The following CPEB2 variants were observed in gnomAD, a reference collection of about 807,000 sequenced individuals.
CPEB2 encodes the protein cytoplasmic polyadenylation element binding protein 2.
In CPEB2, 56 loss-of-function variants were observed where a neutral mutation model predicts 93.6. The observed-to-expected ratio is 0.60, with a 90% confidence interval of 0.48 to 0.75. The LOEUF is 0.75. Ranked by LOEUF, CPEB2 falls within the 30% of genes least tolerant of loss-of-function variation. CPEB2 has a pLI of 0.00. For synonymous variants in CPEB2, 764 were observed against 586.3 expected (o/e 1.30, Z -4.38); for missense variants, 1,579 against 1,395.1 (o/e 1.13, Z -2.10).
chr4:15,031,493 A>G (rs1235856897), intron 4 of CPEB2, among the ~76,000 whole-genome samples: 1 of 152,118 alleles, frequency 6.6e-6, no homozygotes, highest in Non-Finnish European at 1.5e-5. Flanking sequence ...GTATGCTTCT[A>G]TTTCTCACTC....
chr4:15,003,552 C>T lies in CPEB2; in HGVS notation c.879C>T (p.Ala293=). The T allele has an allele frequency of 6.9e-7, 1 of 1,457,062 alleles. No individual in the cohort carries two copies. The highest frequency in any genetic ancestry group is 9.0e-7 in the Non-Finnish European group (1 of 1,107,232). The allele number at this position is 1,457,062 out of a possible 1,614,324, so 90.3% of individuals were successfully genotyped here. A position where few individuals can be genotyped will look rare whatever the true frequency, so the allele number is the denominator to read the frequency against. Reference sequence around the variant, plus strand: ...CCCCAGCCGCGGGCGAGGGCAGCGCCGCCGAGTCCCCCAATGCGGGCTTGG... The same window carrying T: ...CCCCAGCCGCGGGCGAGGGCAGCGCTGCCGAGTCCCCCAATGCGGGCTTGG... The part of the protein sequence containing the change: ...RKTPAAGEGS[A]AESPNAGLAS... Residue 293 remains alanine, a synonymous_variant, in exon 1 of 12, where the codon GCC becomes GCT. Coordinates refer to ENST00000538197, the MANE Select transcript of CPEB2 (RefSeq NM_001177382.2).
intron 6 of CPEB2, among the ~76,000 whole-genome samples, chr4:15,047,541 T>C (rs1727826463): frequency 6.6e-6 from 1 of 152,088 alleles, no homozygotes; most frequent in South Asian, 2.1e-4. Flanking sequence ...TATTTAAAAT[T>C]TTTCCCAGTT....
At chr4:15,065,624 C>T (rs1384745767) in intron 11 of CPEB2, among the ~76,000 whole-genome samples, 1 of 152,038 alleles carries the variant, frequency 6.6e-6, no homozygotes, top group African/African-American at 2.4e-5. Context: ...CAAGTCAGAC[C>T]TTCACAACGG....
chr4:15,012,928 T>C (rs1480506116), intron 3 of CPEB2, among the ~76,000 whole-genome samples: 1 of 152,050 alleles, frequency 6.6e-6, no homozygotes, highest in Admixed American at 6.6e-5. Flanking sequence ...GGGTTTTTAA[T>C]GTATCCCAGC....
At chr4:15,017,526 A>C (rs1478792762) in intron 4 of CPEB2, 1 of 287,938 alleles carries the variant, frequency 3.5e-6, no homozygotes, top group African/African-American at 2.2e-5. Flanking sequence ...TCAGTTCACC[A>C]GAGAATGAAG....
rs1293628909 is a variant in CPEB2, at chr4:15,003,721, C to T, written c.1048C>T (p.Pro350Ser). The T allele has an allele frequency of 3.0e-6, 4 of 1,315,400 alleles. No homozygotes were observed. In the African/African-American group the frequency reaches 4.6e-5, roughly 15 times the overall value. 81.5% of individuals were successfully genotyped at this position (1,315,400 alleles called of 1,614,324 possible). The change falls in exon 1 of 12, where the codon CCG becomes TCG. Residue 350 changes from proline (P) to serine (S), a missense_variant. Around this residue, in one of 2 missense-constraint regions of CPEB2, gnomAD observed 1,411 missense variants for 1,056.0 expected, o/e 1.34. Coordinates refer to ENST00000538197, the MANE Select transcript of CPEB2 (RefSeq NM_001177382.2). ...SSLQSPDLPH[P>S]GGGGGGGGGG... ...CCTGCAGAGCCCGGACCTTCCACAC[C>T]CGGGCGGCGGCGGCGGCGGCGGGGG...
chr4:15,058,551 C>A lies in CPEB2; in HGVS notation c.2580+12C>A. On this transcript the variant is annotated intron_variant, in intron 9 of 11. Coordinates refer to ENST00000538197, the MANE Select transcript of CPEB2 (RefSeq NM_001177382.2). ...TCAAGGACAAACCAGTAAGTAAATA[C>A]CACATGAACTTCAGGCTACAAATGC... 7.1e-7 allele frequency: 1 copy of A among 1,409,694 alleles called. No homozygotes were observed. Among genetic ancestry groups the A allele is most frequent in the African/African-American group, 1.4e-5 (1 of 69,974 alleles). The allele number at this position is 1,409,694 out of a possible 1,614,324, so 87.3% of individuals were successfully genotyped here. A position where few individuals can be genotyped will look rare whatever the true frequency, so the allele number is the denominator to read the frequency against.
chr4:15,048,340 G>A (rs939488749), intron 6 of CPEB2, among the ~76,000 whole-genome samples: 1 of 151,862 alleles, frequency 6.6e-6, no homozygotes, highest in East Asian at 1.9e-4. Context: ...AGCCATCTAG[G>A]CCTGGATTTT....
Position 15,002,886 on chromosome 4 carries a change from C to A in CPEB2, c.213C>A (p.Gly71=). 6.6e-7 allele frequency: 1 copy of A among 1,515,136 alleles called. No individual in the cohort carries two copies. The highest frequency in any genetic ancestry group is 2.5e-5 in the East Asian group (1 of 40,536). The allele number at this position is 1,515,136 out of a possible 1,614,324, so 93.9% of individuals were successfully genotyped here. A position where few individuals can be genotyped will look rare whatever the true frequency, so the allele number is the denominator to read the frequency against. Reference sequence around the variant, plus strand: ...CCCCCTTCTCCGTCCCCCTCGGCGGCGGCGCGGGCAGCCCGGCCGCCGCCG... The same window carrying A: ...CCCCCTTCTCCGTCCCCCTCGGCGGAGGCGCGGGCAGCCCGGCCGCCGCCG... ...AASPFSVPLG[G]GAGSPAAAAS... is the part of the protein sequence containing the mutation. The change falls in exon 1 of 12, where the codon GGC becomes GGA. Residue 71 remains glycine, a synonymous_variant. Coordinates refer to ENST00000538197, the MANE Select transcript of CPEB2 (RefSeq NM_001177382.2).
chr4:15,062,510 A>C (rs1729288741), intron 11 of CPEB2, among the ~76,000 whole-genome samples: 1 of 152,084 alleles, frequency 6.6e-6, no homozygotes, highest in Non-Finnish European at 1.5e-5. Flanking sequence ...CAGTAAGGTC[A>C]AATATTCTAA....
chr4:15,057,568 G>A (rs1728831563), intron 8 of CPEB2, among the ~76,000 whole-genome samples: 1 of 152,184 alleles, frequency 6.6e-6, no homozygotes, highest in Non-Finnish European at 1.5e-5. Flanking sequence ...GCTATCACCT[G>A]CTGGGAATAA....
intron 6 of CPEB2, among the ~76,000 whole-genome samples, chr4:15,047,067 T>G (rs1020513832): frequency 9.9e-5 from 15 of 152,220 alleles, no homozygotes; most frequent in African/African-American, 3.6e-4. Flanking sequence ...TATTGGTACC[T>G]TTGAAAAACA....
chr4:15,035,831 A>G (rs1726549270), intron 5 of CPEB2, among the ~76,000 whole-genome samples: 1 of 152,224 alleles, frequency 6.6e-6, no homozygotes, highest in Non-Finnish European at 1.5e-5. Context: ...GATACACATT[A>G]AAATAAATGC....
chr4:15,058,365 T>G, intron 8 of CPEB2, 56 bp from the exon 9 acceptor site: 1 of 987,346 alleles, frequency 1.0e-6, no homozygotes, highest in Non-Finnish European at 1.6e-6. Context: ...AGTACTGAAA[T>G]TTGGAGTAAA....
In CPEB2 at chr4:15,003,902, A is replaced by C; in HGVS notation, c.1229A>C (p.Gln410Pro). The C allele has an allele frequency of 1.1e-6, 1 of 904,458 alleles. No individual in the cohort carries two copies. The highest frequency in any genetic ancestry group is 1.4e-6 in the Non-Finnish European group (1 of 693,588). The allele number at this position is 904,458 out of a possible 1,614,324, so 56.0% of individuals were successfully genotyped here. ...TQPQQQPPPP[Q>P]QPPQPQPQPP... ...CCGCAGCAGCAGCCGCCGCCACCCC[A>C]GCAGCCGCCCCAGCCGCAGCCGCAG... Residue 410 changes from glutamine (Q) to proline (P), a missense_variant, in exon 1 of 12, where the codon CAG (glutamine) becomes CCG (proline). Transcript: ENST00000538197.
intron 3 of CPEB2, among the ~76,000 whole-genome samples, chr4:15,012,653 A>G (rs984241192): frequency 1.1e-4 from 16 of 152,116 alleles, no homozygotes; most frequent in African/African-American, 3.4e-4. Context: ...ACAGGAAAGT[A>G]TGATCAATAT....
chr4:15,020,547 A>ACT (rs1218595740), intron 4 of CPEB2, among the ~76,000 whole-genome samples: 2 of 151,640 alleles, frequency 1.3e-5, no homozygotes, highest in Non-Finnish European at 1.5e-5. Flanking sequence ...GCCTTTTCCT[A>ACT]CTCCCCAGTG....
intron 3 of CPEB2, among the ~76,000 whole-genome samples, chr4:15,014,265 A>G (rs1723840973): frequency 6.6e-6 from 1 of 152,102 alleles, no homozygotes; most frequent in Non-Finnish European, 1.5e-5. Context: ...ACAACCTAAA[A>G]AGATAACCAT....
At chr4:15,017,889 T>C (rs1002663842) in intron 4 of CPEB2, 1 of 151,794 alleles carries the variant, frequency 6.6e-6, no homozygotes, top group Non-Finnish European at 1.5e-5. Context: ...ATTCTGTGTA[T>C]AAAATGAAAA....
Sources: allele counts gnomAD v4.1 joint callset (sites outside exome capture counted in the v4.1 genomes callset), GRCh38; gene constraint gnomAD v4.1.1; regional missense constraint gnomAD v4.1.1; transcripts MANE v1.5; gene names NCBI Gene and HGNC (gene_info 2026-07-23, HGNC 2026-07-21).